The following ARID5B variants were observed in gnomAD, a reference collection of about 807,000 sequenced individuals.
ARID5B encodes the protein AT-rich interactive domain-containing protein 5B.
ARID5B carries 13 observed loss-of-function variants against 97.2 expected under a neutral mutation model. The ratio of observed to expected loss-of-function variants is 0.13; its 90% CI spans 0.09 to 0.21. The LOEUF is 0.21. Among genes scored for constraint, ARID5B ranks in the 10% least tolerant of loss-of-function variants. The pLI, the probability that ARID5B is intolerant of heterozygous loss-of-function variation, is 1.00. For synonymous variants in ARID5B, 556 were observed against 570.3 expected, an observed-to-expected ratio of 0.97 and a Z score of 0.36; for missense variants, 1,210 against 1,465.3, an observed-to-expected ratio of 0.83 and a Z score of 2.84.
At chr10:62,038,222 C>A (rs535808535) in intron 4 of ARID5B, among the ~76,000 whole-genome samples, 1 of 152,148 alleles carries the variant, frequency 6.6e-6, no homozygotes, top group East Asian at 1.9e-4. Flanking sequence ...AAGATAAATA[C>A]CCAATTGGGT....
intron 4 of ARID5B, among the ~76,000 whole-genome samples, chr10:62,044,685 C>G (rs561805923): frequency 1.3e-5 from 2 of 152,218 alleles, no homozygotes; most frequent in East Asian, 3.9e-4. Context: ...ATGCCTTTAT[C>G]TGAGAAAAAA....
intron 2 of ARID5B, 50 bp from the exon 3 acceptor site, chr10:61,940,133 C>T (rs1844373909): frequency 6.3e-7 from 1 of 1,574,938 alleles, no homozygotes; most frequent in Non-Finnish European, 8.7e-7. Context: ...GATCATTTCC[C>T]TCAAACCTAT....
At chr10:61,976,832 G>C (rs1838705995) in intron 3 of ARID5B, among the ~76,000 whole-genome samples, 1 of 149,692 alleles carries the variant, frequency 6.7e-6, no homozygotes, top group African/African-American at 2.5e-5. Flanking sequence ...AAATTCATTT[G>C]TGTTTGTGGG....
At chr10:62,056,768 C>A (rs1410695858) in intron 5 of ARID5B, among the ~76,000 whole-genome samples, 2 of 152,164 alleles carry the variant, frequency 1.3e-5, no homozygotes, top group Non-Finnish European at 2.9e-5. Context: ...CTATGACCCA[C>A]TGGCTGGCAA....
rs1840453984 is a variant in ARID5B at position 62,095,385 on chromosome 10, G to T, written c.*2355G>T. 9.1e-6 allele frequency: 2 copies of T among 220,832 alleles called. No homozygotes were observed. The highest frequency in any genetic ancestry group is 2.2e-5 in the African/African-American group (1 of 44,518). 13.7% of individuals were successfully genotyped at this position (220,832 alleles called of 1,614,324 possible). A position where few individuals can be genotyped will look rare whatever the true frequency, so the allele number is the denominator to read the frequency against. ...AGTTCGTGTCTCAAAAAAAAAAGGA[G>T]GGGGGGCATCTGTCCCCGGTGGAGC... On this transcript the variant is annotated 3_prime_UTR_variant, in exon 10 of 10. Coordinates refer to ENST00000279873, the MANE Select transcript of ARID5B (RefSeq NM_032199.3).
At chr10:61,940,120 G>A in intron 2 of ARID5B, 63 bp from the exon 3 acceptor site, 1 of 1,494,236 alleles carries the variant, frequency 6.7e-7, no homozygotes, top group Non-Finnish European at 9.3e-7. Flanking sequence ...CTTGTGGAGA[G>A]TGGATCATTT....
chr10:61,976,030 G>A (rs957715579), intron 3 of ARID5B, among the ~76,000 whole-genome samples: 1 of 152,192 alleles, frequency 6.6e-6, no homozygotes, highest in African/African-American at 2.4e-5. Flanking sequence ...ATGTCAGACA[G>A]GGCCTGGGTT....
At chr10:61,922,618 G>T (rs1185830297) in intron 2 of ARID5B, among the ~76,000 whole-genome samples, 1 of 152,114 alleles carries the variant, frequency 6.6e-6, no homozygotes, top group East Asian at 1.9e-4. Context: ...AAGAAAATAG[G>T]TATGTTTCAT....
chr10:62,077,371 A>C (rs1024741439), intron 8 of ARID5B, among the ~76,000 whole-genome samples: 1 of 152,236 alleles, frequency 6.6e-6, no homozygotes, highest in Non-Finnish European at 1.5e-5. Flanking sequence ...TTTGAAAAAA[A>C]TCTCTATTTA....
chr10:61,967,936 A>G (rs1420860181), intron 3 of ARID5B, among the ~76,000 whole-genome samples: 1 of 151,898 alleles, frequency 6.6e-6, no homozygotes, highest in Non-Finnish European at 1.5e-5. Flanking sequence ...ATCTATTTGT[A>G]CATTCTTATT....
intron 4 of ARID5B, among the ~76,000 whole-genome samples, chr10:62,006,085 G>A (rs946408181): frequency 6.6e-6 from 1 of 152,178 alleles, no homozygotes; most frequent in Non-Finnish European, 1.5e-5. Flanking sequence ...AACCTTCAGA[G>A]ATCTTACTTG....
At chr10:61,922,340 C>T (rs1297863212) in intron 2 of ARID5B, among the ~76,000 whole-genome samples, 3 of 152,202 alleles carry the variant, frequency 2.0e-5, no homozygotes, top group Admixed American at 6.5e-5. Context: ...TGGTGGCTCA[C>T]GCCTGTAATC....
chr10:61,940,151 G>A (rs1357706880), intron 2 of ARID5B, 32 bp from the exon 3 acceptor site: 4 of 1,605,778 alleles, frequency 2.5e-6, no homozygotes, highest in Admixed American at 1.7e-5. Context: ...TATAAATAAC[G>A]TTTTTTGTTC....
At chr10:62,011,673 G>A (rs1314917225) in intron 4 of ARID5B, among the ~76,000 whole-genome samples, 1 of 152,194 alleles carries the variant, frequency 6.6e-6, no homozygotes, top group African/African-American at 2.4e-5. Context: ...ACTTTTCAGA[G>A]CACCTCCACC....
chr10:62,056,610 G>A (rs1839859715), intron 5 of ARID5B, among the ~76,000 whole-genome samples: 1 of 152,126 alleles, frequency 6.6e-6, no homozygotes, highest in Non-Finnish European at 1.5e-5. Flanking sequence ...GTTTGTTCAA[G>A]GACATTAACT....
chr10:62,036,425 C>A (rs1422332244), intron 4 of ARID5B, among the ~76,000 whole-genome samples: 1 of 151,940 alleles, frequency 6.6e-6, no homozygotes, highest in Non-Finnish European at 1.5e-5. Flanking sequence ...TTGTTGACGC[C>A]CAATGCCAGA....
intron 3 of ARID5B, among the ~76,000 whole-genome samples, chr10:61,998,508 C>T (rs970393119): frequency 3.9e-5 from 6 of 152,256 alleles, no homozygotes; most frequent in South Asian, 2.1e-4. Flanking sequence ...CACCAAAGCA[C>T]GGTGTTTGCC....
At chr10:61,953,266 T>C (rs767705233) in intron 3 of ARID5B, among the ~76,000 whole-genome samples, 2 of 152,108 alleles carry the variant, frequency 1.3e-5, no homozygotes, top group Non-Finnish European at 2.9e-5. Context: ...ATTCTCTCAA[T>C]AGGAAATAAA....
At chr10:61,997,871 A>G (rs1199235897) in intron 3 of ARID5B, among the ~76,000 whole-genome samples, 1 of 152,220 alleles carries the variant, frequency 6.6e-6, no homozygotes, top group East Asian at 1.9e-4. Flanking sequence ...TTAGCTGTAT[A>G]AAAAGCACGG....
Sources: gnomAD v4.1 joint callset for allele counts (sites outside exome capture counted in the v4.1 genomes callset) on GRCh38, gnomAD v4.1.1 for gene constraint, MANE v1.5 for transcripts, NCBI Gene and HGNC (gene_info 2026-07-23, HGNC 2026-07-21) for gene names.